MYO16: variants seen among roughly 807,000 people sequenced by gnomAD.
MYO16 encodes the protein unconventional myosin-XVI.
A neutral mutation model predicts 205.3 loss-of-function variants in MYO16; 94 were observed. That is an observed-to-expected ratio of 0.46 (90% confidence interval 0.39 to 0.54). MYO16 has a LOEUF of 0.54. MYO16 is among the 20% of genes least tolerant of loss of function. MYO16 has a pLI of 0.00. For synonymous variants in MYO16, 988 were observed against 954.0 expected (o/e 1.04, Z -0.66); for missense variants, 2,315 against 2,387.5 (o/e 0.97, Z 0.63).
At chr13:109,051,296 A>G (rs1489808020) in intron 24 of MYO16, among the ~76,000 whole-genome samples, 1 of 152,066 alleles carries the variant, frequency 6.6e-6, no homozygotes, top group African/African-American at 2.4e-5. Flanking sequence ...ACAGATATAT[A>G]TTATGTCACC....
At chr13:109,003,229 G>A (rs979090130) in intron 21 of MYO16, among the ~76,000 whole-genome samples, 7 of 152,098 alleles carry the variant, frequency 4.6e-5, no homozygotes, top group Non-Finnish European at 7.4e-5. Context: ...ATAATAAAAG[G>A]TACAAATTGG....
intron 1 of MYO16, among the ~76,000 whole-genome samples, chr13:108,612,908 G>A (rs75808492): frequency 7.2e-5 from 11 of 152,250 alleles, no homozygotes; most frequent in Admixed American, 6.5e-5. Context: ...TATGCAACTC[G>A]GGGAGATGTA....
At chr13:108,760,986 T>G (rs140949757) in intron 4 of MYO16, among the ~76,000 whole-genome samples, 2 of 152,348 alleles carry the variant, frequency 1.3e-5, no homozygotes, top group East Asian at 3.9e-4. Flanking sequence ...CCATCCATGT[T>G]ACTGCAAATG....
Position 109,162,737 on chromosome 13 carries a change from GA to G in MYO16, c.5165-2162del, listed in dbSNP as rs2139870885. On this transcript the variant is annotated intron_variant, in intron 32 of 34. Coordinates refer to ENST00000457511, the MANE Select transcript of MYO16 (RefSeq NM_001198950.3). The surrounding 1 kb of genome is among the most constrained non-coding windows in gnomAD (Gnocchi z 4.6). Reference sequence around the variant, plus strand: ...CATAGTAGGCACCCAATAAATAACTGAATTAAAGAGTGCAAAAATAAAATAG... The same window carrying G: ...CATAGTAGGCACCCAATAAATAACTGATTAAAGAGTGCAAAAATAAAATAG... Among the ~76,000 whole-genome samples the G allele has an allele frequency of 6.6e-6, 1 of 152,072 alleles. No individual in the cohort carries two copies. Among genetic ancestry groups the G allele is most frequent in the East Asian group, 1.9e-4 (1 of 5,160 alleles).
intron 27 of MYO16, among the ~76,000 whole-genome samples, chr13:109,073,100 T>C (rs1481865310): frequency 7.3e-6 from 1 of 136,918 alleles, no homozygotes; most frequent in Non-Finnish European, 1.6e-5. Flanking sequence ...AGTGAAATTA[T>C]GGAATATCTT....
chr13:109,153,943 C>A (rs1331825904), intron 32 of MYO16, among the ~76,000 whole-genome samples: 1 of 152,126 alleles, frequency 6.6e-6, no homozygotes, highest in Non-Finnish European at 1.5e-5. Context: ...AGTCATTTGT[C>A]CTTCCTGAGT....
chr13:108,800,254 T>C (rs1886930882), intron 6 of MYO16, among the ~76,000 whole-genome samples: 1 of 152,176 alleles, frequency 6.6e-6, no homozygotes, highest in African/African-American at 2.4e-5. Flanking sequence ...AAAACCAGTT[T>C]ATTCTGTGTC....
At chr13:108,738,310 G>A (rs1471664551) in intron 4 of MYO16, among the ~76,000 whole-genome samples, 1 of 152,148 alleles carries the variant, frequency 6.6e-6, no homozygotes, top group Non-Finnish European at 1.5e-5. Flanking sequence ...CTTTAAATGT[G>A]TCCCAGAGAT....
At chr13:109,152,421 G>A (rs569687709) in intron 32 of MYO16, among the ~76,000 whole-genome samples, 31 of 152,212 alleles carry the variant, frequency 2.0e-4, no homozygotes, top group African/African-American at 6.3e-4. Flanking sequence ...AACTCTAATC[G>A]TGAACATTAA....
chr13:109,031,450 T>C (rs922338751), intron 23 of MYO16, among the ~76,000 whole-genome samples: 8 of 152,196 alleles, frequency 5.3e-5, no homozygotes, highest in African/African-American at 1.7e-4. Context: ...CAAAGTTAAA[T>C]GTGATTACTT....
chr13:108,897,008 A>G (rs143741576), intron 14 of MYO16, among the ~76,000 whole-genome samples: 1 of 152,264 alleles, frequency 6.6e-6, no homozygotes, highest in East Asian at 1.9e-4. Context: ...AAAATAAAAT[A>G]AAAAGTAAAT....
chr13:108,572,884 C>T, the MYO16 span, among the ~76,000 whole-genome samples: 280 of 152,278 alleles, frequency 1.8e-3, 1 homozygote, highest in Middle Eastern at 0.01. Context: ...TGTCCAACCA[C>T]AACAAGTGCT....
At chr13:108,738,112 A>G (rs987596855) in intron 4 of MYO16, among the ~76,000 whole-genome samples, 4 of 151,476 alleles carry the variant, frequency 2.6e-5, no homozygotes, top group Non-Finnish European at 5.9e-5. Context: ...ATTTTGAAGG[A>G]TTTTTTTTGT....
chr13:108,827,370 A>C (rs556313183), intron 9 of MYO16, among the ~76,000 whole-genome samples: 2 of 152,276 alleles, frequency 1.3e-5, no homozygotes, highest in South Asian at 4.1e-4. Flanking sequence ...TTATTGTTTC[A>C]GTGAGCATTT....
the MYO16 span, among the ~76,000 whole-genome samples, chr13:108,583,108 C>T: frequency 6.6e-6 from 1 of 152,080 alleles, no homozygotes; most frequent in African/African-American, 2.4e-5. Context: ...ACATCGTGTG[C>T]ATTTTGGCTG....
chr13:108,957,894 A>T, intron 17 of MYO16, 95 bp downstream of exon 17: 1 of 973,484 alleles, frequency 1.0e-6, no homozygotes, highest in Non-Finnish European at 1.6e-6. Context: ...CCCCTATGAC[A>T]TTCCAGATGT....
chr13:109,123,052 A>G (rs928841660), intron 29 of MYO16, among the ~76,000 whole-genome samples: 1 of 152,210 alleles, frequency 6.6e-6, no homozygotes, highest in Non-Finnish European at 1.5e-5. Context: ...TGCTCATTTT[A>G]TCCTGGATGA....
chr13:108,914,227 T>A (rs2139244137), intron 16 of MYO16, among the ~76,000 whole-genome samples: 1 of 149,384 alleles, frequency 6.7e-6, no homozygotes, highest in African/African-American at 2.4e-5. Flanking sequence ...CTACTATTGT[T>A]AATATATGTA....
At chr13:108,645,038 A>G (rs79523548) in intron 1 of MYO16, among the ~76,000 whole-genome samples, 1 of 152,148 alleles carries the variant, frequency 6.6e-6, no homozygotes. Flanking sequence ...CACCCCCAGG[A>G]AACAGTAGCA....
Sources: gnomAD v4.1 joint callset for allele counts (sites outside exome capture counted in the v4.1 genomes callset) on GRCh38, gnomAD v4.1.1 for gene constraint, Gnocchi (gnomAD v3.1) non-coding constraint, MANE v1.5 for transcripts, NCBI Gene and HGNC (gene_info 2026-07-23, HGNC 2026-07-21) for gene names.